The following LINGO2 variants were observed in gnomAD, a reference collection of about 807,000 sequenced individuals.
LINGO2 encodes leucine rich repeat and Ig domain containing 2.
LINGO2 carries 14 observed loss-of-function variants against 30.6 expected under a neutral mutation model. The observed-to-expected ratio is 0.46, with a 90% CI of 0.30 to 0.72. LINGO2 has a LOEUF of 0.72. Among genes scored for constraint, LINGO2 ranks in the 30% least tolerant of loss-of-function variants. The pLI is 0.07. For missense variants in LINGO2, 729 were observed against 751.7 expected, an observed-to-expected ratio of 0.97 and a Z score of 0.35; for synonymous variants, 317 against 288.5, an observed-to-expected ratio of 1.10 and a Z score of -1.00.
chr9:28,540,997 T>C (rs575582518), intron 1 of LINGO2, among the ~76,000 whole-genome samples: 3 of 152,170 alleles, frequency 2.0e-5, no homozygotes, highest in Non-Finnish European at 4.4e-5. Flanking sequence ...TCCACTCCAA[T>C]ATACTTGTTA....
the LINGO2 span, among the ~76,000 whole-genome samples, chr9:29,099,036 T>G: frequency 6.6e-5 from 10 of 152,160 alleles, no homozygotes; most frequent in Non-Finnish European, 1.3e-4. Context: ...AACAGATGCA[T>G]AGACCAGCGG....
At chr9:28,870,586 A>C in the LINGO2 span, among the ~76,000 whole-genome samples, 11 of 151,992 alleles carry the variant, frequency 7.2e-5, no homozygotes, top group African/African-American at 2.7e-4. Flanking sequence ...CAATTCTTTG[A>C]CCTTCTGAGG....
At chr9:28,437,549 GCACACACACACA>G (rs58406750) in intron 2 of LINGO2, among the ~76,000 whole-genome samples, 4 of 147,578 alleles carry the variant, frequency 2.7e-5, no homozygotes, top group South Asian at 4.3e-4. Flanking sequence ...ACACACAGAC[GCACACACACACA>G]CACACACACA....
intron 4 of LINGO2, among the ~76,000 whole-genome samples, chr9:28,038,290 A>C (rs1251004468): frequency 6.6e-6 from 1 of 152,206 alleles, no homozygotes; most frequent in African/African-American, 2.4e-5. Flanking sequence ...AGGGGCCTCT[A>C]ATGAGAAAAA....
At chr9:28,632,747 T>G (rs555194744) in intron 1 of LINGO2, among the ~76,000 whole-genome samples, 1,726 of 137,142 alleles carry the variant, frequency 0.013, 41 homozygotes, top group East Asian at 0.029. Context: ...TATTTATATA[T>G]AGATCTATAT....
intron 4 of LINGO2, among the ~76,000 whole-genome samples, chr9:28,100,544 T>C (rs561906392): frequency 7.9e-5 from 12 of 152,292 alleles, no homozygotes; most frequent in Middle Eastern, 6.8e-3. Flanking sequence ...GTAGTCACAT[T>C]TGAGTCCAAA....
At chr9:28,461,097 A>C (rs751476562) in intron 2 of LINGO2, among the ~76,000 whole-genome samples, 17 of 152,120 alleles carry the variant, frequency 1.1e-4, no homozygotes, top group Non-Finnish European at 1.8e-4. Context: ...ATGAAGAAAA[A>C]TCTACAGTTT....
At chr9:28,783,132 T>G in the LINGO2 span, among the ~76,000 whole-genome samples, 1 of 152,214 alleles carries the variant, frequency 6.6e-6, no homozygotes, top group Non-Finnish European at 1.5e-5. Flanking sequence ...ATGAAGATAA[T>G]TCAACTTCTG....
intron 1 of LINGO2, among the ~76,000 whole-genome samples, chr9:28,589,391 T>C (rs1331467725): frequency 6.6e-6 from 1 of 152,140 alleles, no homozygotes; most frequent in Non-Finnish European, 1.5e-5. Context: ...TGATTGTATA[T>C]GTAGAAAACC....
At chr9:29,156,847 G>A in the LINGO2 span, among the ~76,000 whole-genome samples, 6 of 151,960 alleles carry the variant, frequency 3.9e-5, no homozygotes, top group East Asian at 9.6e-4. Context: ...CTTTCAGGAG[G>A]GTAAGGTATC....
At chr9:29,091,120 G>A in the LINGO2 span, among the ~76,000 whole-genome samples, 12 of 152,106 alleles carry the variant, frequency 7.9e-5, no homozygotes, top group Non-Finnish European at 1.5e-4. Context: ...GATATTGGTT[G>A]AAATTTAGAC....
the LINGO2 span, among the ~76,000 whole-genome samples, chr9:28,852,521 GC>G: frequency 5.3e-5 from 8 of 151,958 alleles, no homozygotes; most frequent in Non-Finnish European, 7.4e-5. Flanking sequence ...TGCATACAGA[GC>G]TACTGCCCAG....
At chr9:29,102,230 C>T in the LINGO2 span, among the ~76,000 whole-genome samples, 1 of 151,880 alleles carries the variant, frequency 6.6e-6, no homozygotes, top group Non-Finnish European at 1.5e-5. Flanking sequence ...TACAGGTGCC[C>T]GTCACCATGC....
chr9:28,819,782 A>T, the LINGO2 span, among the ~76,000 whole-genome samples: 9 of 152,172 alleles, frequency 5.9e-5, no homozygotes, highest in African/African-American at 2.2e-4. Context: ...GTCCAAATTC[A>T]CAGTTTCCTT....
intron 4 of LINGO2, among the ~76,000 whole-genome samples, chr9:28,176,469 A>T (rs923170455): frequency 1.3e-5 from 2 of 152,170 alleles, no homozygotes; most frequent in African/African-American, 4.8e-5. Flanking sequence ...TTAGATGGTT[A>T]TATCATTGGG....
chr9:28,870,741 A>T, the LINGO2 span, among the ~76,000 whole-genome samples: 1 of 152,100 alleles, frequency 6.6e-6, no homozygotes. Context: ...AAAACCATAG[A>T]AAAGTAAACT....
At chr9:29,112,510 G>A in the LINGO2 span, among the ~76,000 whole-genome samples, 1 of 152,090 alleles carries the variant, frequency 6.6e-6, no homozygotes, top group Non-Finnish European at 1.5e-5. Context: ...TGGATTTCTG[G>A]CTGCATCCTA....
chr9:28,170,349 G>A (rs1468490169), intron 4 of LINGO2, among the ~76,000 whole-genome samples: 1 of 152,156 alleles, frequency 6.6e-6, no homozygotes, highest in African/African-American at 2.4e-5. Flanking sequence ...AATAGAAACA[G>A]CTTCCACCGG....
At chr9:29,089,398 G>T in the LINGO2 span, among the ~76,000 whole-genome samples, 1 of 151,790 alleles carries the variant, frequency 6.6e-6, no homozygotes, top group Admixed American at 6.6e-5. Flanking sequence ...AGTAGTAATA[G>T]TATTATTATC....
Sources: allele counts gnomAD v4.1 joint callset (sites outside exome capture counted in the v4.1 genomes callset), GRCh38; gene constraint gnomAD v4.1.1; transcripts MANE v1.5; gene names NCBI Gene and HGNC (gene_info 2026-07-23, HGNC 2026-07-21).